EGF: variants seen among roughly 807,000 people sequenced by gnomAD.
EGF encodes pro-epidermal growth factor.
Under a neutral mutation model 143.8 loss-of-function variants are expected in EGF, and 95 were observed. The ratio of observed to expected loss-of-function variants is 0.66; its 90% CI spans 0.56 to 0.78. The LOEUF is 0.78. EGF is among the 30% of genes least tolerant of loss of function. EGF has a pLI of 0.00. For synonymous variants in EGF, 510 were observed against 510.5 expected, an observed-to-expected ratio of 1.00 and a Z score of 0.01; for missense variants, 1,320 against 1,470.9, an observed-to-expected ratio of 0.90 and a Z score of 1.68.
At chr4:109,945,716 G>A (rs1004206210) in intron 5 of EGF, among the ~76,000 whole-genome samples, 2 of 152,158 alleles carry the variant, frequency 1.3e-5, no homozygotes, top group Non-Finnish European at 2.9e-5. Context: ...CTTTAATAAA[G>A]AACAGTAAAT....
chr4:109,944,224 G>A (rs2126009740), intron 4 of EGF, among the ~76,000 whole-genome samples, 155 bp downstream of exon 4: 1 of 152,330 alleles, frequency 6.6e-6, no homozygotes, highest in East Asian at 1.9e-4. Flanking sequence ...CGGATCACGA[G>A]GTCAGGAGAT....
chr4:109,926,268 T>A (rs1268206878), intron 1 of EGF, among the ~76,000 whole-genome samples: 3 of 151,948 alleles, frequency 2.0e-5, no homozygotes, highest in Non-Finnish European at 1.5e-5. Flanking sequence ...CGGGAGGATC[T>A]CTTGAGCCCA....
At chr4:109,993,434 T>C (rs1751323578) in intron 19 of EGF, 65 bp downstream of exon 19, 1 of 1,602,024 alleles carries the variant, frequency 6.2e-7, no homozygotes, top group South Asian at 1.1e-5. Flanking sequence ...TATACCCTAA[T>C]CTCTATTTGC....
intron 1 of EGF, among the ~76,000 whole-genome samples, chr4:109,938,474 C>T (rs1440657223): frequency 6.6e-6 from 1 of 152,072 alleles, no homozygotes; most frequent in Non-Finnish European, 1.5e-5. Context: ...TCCTTTAGCT[C>T]GGAGAAGTTT....
chr4:109,943,542 C>A, intron 3 of EGF, 107 bp downstream of exon 3: 1 of 1,287,014 alleles, frequency 7.8e-7, no homozygotes, highest in Non-Finnish European at 1.1e-6. Context: ...GAGACCAAAG[C>A]CCTCTTTTGC....
chr4:109,979,825 TGA>T, intron 13 of EGF, 145 bp from the exon 14 acceptor site: 3 of 853,864 alleles, frequency 3.5e-6, no homozygotes. Flanking sequence ...GGCAGGTGTG[TGA>T]GTCGGTGGCT....
chr4:109,913,767 A>C (rs1736115153), intron 1 of EGF, among the ~76,000 whole-genome samples: 1 of 151,864 alleles, frequency 6.6e-6, no homozygotes, highest in Non-Finnish European at 1.5e-5. Context: ...AGGAGTAATT[A>C]ACACCTGGCT....
At position 109,998,244 on chromosome 4, in the gene EGF, C is replaced by T. The variant is rs183346939; in HGVS notation, c.3006-1435C>T. On this transcript the variant is annotated intron_variant, in intron 20 of 23. Coordinates refer to ENST00000265171, the MANE Select transcript of EGF (RefSeq NM_001963.6). The stretch of plus-strand genomic sequence containing the variant: ...AGGCATTGATAGTAAATGGCTGTAA[C>T]CAAAGATAGCTAGAATTAAAACAGC... 3.0e-3 allele frequency among the ~76,000 whole-genome samples: 461 copies of T among 152,270 alleles called. 3 individuals carry two copies. The highest frequency in any genetic ancestry group is 0.01 in the African/African-American group (434 of 41,542).
At chr4:109,982,831 T>C (rs1749585395) in intron 15 of EGF, among the ~76,000 whole-genome samples, 1 of 152,172 alleles carries the variant, frequency 6.6e-6, no homozygotes, top group South Asian at 2.1e-4. Flanking sequence ...GAATTATGAC[T>C]TTAGGGACAT....
chr4:109,948,701 G>A lies in EGF; in HGVS notation c.940+3426G>A, dbSNP rs1044599794. Reference sequence around the variant, plus strand: ...GGGTTTCACCATATTACCCAGGCTGGTCTCAAACTCCTGAGCTCAAGCGAT... The same window carrying A: ...GGGTTTCACCATATTACCCAGGCTGATCTCAAACTCCTGAGCTCAAGCGAT... On this transcript the variant is annotated intron_variant, in intron 5 of 23. Transcript: ENST00000265171. Among the ~76,000 whole-genome samples, 4 of 152,038 alleles carry A rather than the reference G, an allele frequency of 2.6e-5. 1 individual carries two copies. Among genetic ancestry groups the A allele is most frequent in the South Asian group, 4.1e-4 (2 of 4,822 alleles).
chr4:109,979,850 G>A, intron 13 of EGF, 122 bp from the exon 14 acceptor site: 1 of 1,191,012 alleles, frequency 8.4e-7, no homozygotes, highest in Non-Finnish European at 1.2e-6. Context: ...CTCATAACTT[G>A]CTGAGTAGCT....
At chr4:109,973,405 C>T (rs1339293878) in intron 11 of EGF, among the ~76,000 whole-genome samples, 3 of 152,154 alleles carry the variant, frequency 2.0e-5, no homozygotes, top group African/African-American at 7.2e-5. Context: ...CCCCACCCAC[C>T]TTTGCCTGGC....
chr4:109,966,803 C>T (rs1746680192), intron 10 of EGF, among the ~76,000 whole-genome samples: 1 of 152,122 alleles, frequency 6.6e-6, no homozygotes, highest in Non-Finnish European at 1.5e-5. Flanking sequence ...TGATGTTAAG[C>T]ATTTTTTCAT....
At chr4:109,962,035 T>G in intron 8 of EGF, 50 bp downstream of exon 8, 1 of 1,610,358 alleles carries the variant, frequency 6.2e-7, no homozygotes, top group South Asian at 1.1e-5. Flanking sequence ...AACATACATT[T>G]GCTCAGTGAC....
chr4:109,964,796 G>A (rs1042595017), intron 10 of EGF, among the ~76,000 whole-genome samples: 2 of 152,148 alleles, frequency 1.3e-5, no homozygotes, highest in African/African-American at 4.8e-5. Context: ...TAGATTTTCA[G>A]TTTAGTTTCC....
chr4:109,974,859 C>T lies in EGF; in HGVS notation c.1829+52C>T, dbSNP rs758031583. On this transcript the variant is annotated intron_variant, in intron 12 of 23. Coordinates refer to ENST00000265171, the MANE Select transcript of EGF (RefSeq NM_001963.6). ...GCTCTGCAGAGGTCATGTGACAGTT[C>T]ATGGTTGATATGCTAGTGTCCAAAA... 4 of 1,437,942 alleles carry T rather than the reference C, an allele frequency of 2.8e-6. No individual in the cohort carries two copies. In the South Asian group the frequency reaches 3.5e-5, roughly 12 times the overall value. 89.1% of individuals were successfully genotyped at this position (1,437,942 alleles called of 1,614,324 possible). A position where few individuals can be genotyped will look rare whatever the true frequency, so the allele number is the denominator to read the frequency against.
chr4:109,968,912 G>A, intron 10 of EGF, 59 bp from the exon 11 acceptor site: 3 of 1,609,768 alleles, frequency 1.9e-6, no homozygotes, highest in Non-Finnish European at 2.5e-6. Context: ...AGTGCCATTT[G>A]TATATATTCC....
At chr4:110,006,657 A>G (rs924765461) in intron 22 of EGF, among the ~76,000 whole-genome samples, 2 of 152,182 alleles carry the variant, frequency 1.3e-5, no homozygotes, top group African/African-American at 4.8e-5. Flanking sequence ...GGTTTAATTC[A>G]TCTCATTAAT....
rs11569157 is a variant in EGF at position 110,013,650 on chromosome 4, C to G, written c.*2195C>G. ...AATACTTTTCCTCCCTAACTCTCATCGTCTCATTGCGCGCAACGCCTGATT... is the reference window on the plus strand; with the variant it reads ...AATACTTTTCCTCCCTAACTCTCATGGTCTCATTGCGCGCAACGCCTGATT... On this transcript the variant is annotated 3_prime_UTR_variant, in exon 24 of 24. Transcript: ENST00000265171. Among the ~76,000 whole-genome samples the G allele has an allele frequency of 0.03, 4,568 of 152,054 alleles. 238 individuals are homozygous for G. The highest frequency in any genetic ancestry group is 0.11 in the African/African-American group (4,357 of 41,446).
Sources: allele counts gnomAD v4.1 joint callset (sites outside exome capture counted in the v4.1 genomes callset), GRCh38; gene constraint gnomAD v4.1.1; transcripts MANE v1.5; gene names NCBI Gene and HGNC (gene_info 2026-07-23, HGNC 2026-07-21).